The following RTTN variants were observed in gnomAD, a reference collection of about 807,000 sequenced individuals.
The protein encoded by RTTN is rotatin.
RTTN carries 182 observed loss-of-function variants against 269.2 expected under a neutral mutation model. That is an observed-to-expected ratio of 0.68 (90% CI 0.60 to 0.76). RTTN has a LOEUF of 0.76. Ranked by LOEUF, RTTN falls within the 30% of genes least tolerant of loss-of-function variation. The pLI, the probability that RTTN is intolerant of heterozygous loss-of-function variation, is 0.00. For synonymous variants in RTTN, 1,006 were observed against 963.5 expected (o/e 1.04, Z -0.82); for missense variants, 2,545 against 2,608.6 (o/e 0.98, Z 0.53).
chr18:70,181,184 T>C (rs2061414409), intron 10 of RTTN, among the ~76,000 whole-genome samples: 1 of 152,214 alleles, frequency 6.6e-6, no homozygotes, highest in South Asian at 2.1e-4. Context: ...ATGTTGAAGT[T>C]ACCAGTTCAC....
At chr18:70,093,172 T>C (rs965604218) in intron 28 of RTTN, among the ~76,000 whole-genome samples, 7 of 152,104 alleles carry the variant, frequency 4.6e-5, no homozygotes, top group Non-Finnish European at 1.0e-4. Context: ...ACCACTGCAC[T>C]TGGCCTAAGT....
chr18:70,035,084 A>C (rs1177559555), intron 40 of RTTN, among the ~76,000 whole-genome samples: 1 of 152,258 alleles, frequency 6.6e-6, no homozygotes, highest in African/African-American at 2.4e-5. Flanking sequence ...TGAATGGAAA[A>C]ACATTCCATG....
chr18:70,053,965 G>T (rs1023494062), intron 38 of RTTN, among the ~76,000 whole-genome samples, 166 bp downstream of exon 38: 4 of 152,090 alleles, frequency 2.6e-5, no homozygotes, highest in African/African-American at 4.8e-5. Flanking sequence ...GTCTTAATTG[G>T]TACCATTAAA....
At chr18:70,192,525 A>G (rs1054831773) in intron 8 of RTTN, among the ~76,000 whole-genome samples, 6 of 152,130 alleles carry the variant, frequency 3.9e-5, no homozygotes, top group Admixed American at 6.5e-5. Context: ...TACAAAAAAT[A>G]AAAGGCTTAG....
chr18:70,126,056 A>G (rs1385406693), intron 25 of RTTN, among the ~76,000 whole-genome samples: 1 of 152,072 alleles, frequency 6.6e-6, no homozygotes, highest in Non-Finnish European at 1.5e-5. Flanking sequence ...GTGTGTATAT[A>G]TTAAACATAT....
intron 43 of RTTN, among the ~76,000 whole-genome samples, chr18:70,028,442 A>T (rs1311968712): frequency 6.6e-6 from 1 of 152,324 alleles, no homozygotes; most frequent in East Asian, 1.9e-4. Context: ...AATCTACCTT[A>T]TAAAACACAT....
At chr18:70,073,483 T>C (rs1179812950) in intron 34 of RTTN, among the ~76,000 whole-genome samples, 1 of 152,152 alleles carries the variant, frequency 6.6e-6, no homozygotes, top group Non-Finnish European at 1.5e-5. Flanking sequence ...AATCAACCAT[T>C]TTTAACATGT....
At chr18:70,175,811 T>A (rs1268953883) in intron 11 of RTTN, among the ~76,000 whole-genome samples, 1 of 152,112 alleles carries the variant, frequency 6.6e-6, no homozygotes, top group African/African-American at 2.4e-5. Flanking sequence ...AAAGGTTCCA[T>A]GACATTAAGA....
chr18:70,080,550 G>A (rs943143313), intron 32 of RTTN, among the ~76,000 whole-genome samples: 1 of 152,154 alleles, frequency 6.6e-6, no homozygotes, highest in Non-Finnish European at 1.5e-5. Context: ...CCATGCTGGT[G>A]TAAATAAGTG....
intron 35 of RTTN, among the ~76,000 whole-genome samples, chr18:70,062,275 T>C (rs561496725): frequency 9.2e-5 from 14 of 152,206 alleles, no homozygotes; most frequent in Non-Finnish European, 2.1e-4. Context: ...AAAACATACA[T>C]GGTTATAAAA....
At chr18:70,038,718 C>T (rs2057250544) in intron 40 of RTTN, among the ~76,000 whole-genome samples, 2 of 152,100 alleles carry the variant, frequency 1.3e-5, no homozygotes, top group Admixed American at 1.3e-4. Flanking sequence ...ATGACCCCAC[C>T]AAATGAACTA....
At chr18:70,147,225 A>C (rs2060416161) in intron 17 of RTTN, among the ~76,000 whole-genome samples, 1 of 152,308 alleles carries the variant, frequency 6.6e-6, no homozygotes, top group African/African-American at 2.4e-5. Flanking sequence ...ACAATGTTAC[A>C]GTCAACAGTA....
intron 14 of RTTN, among the ~76,000 whole-genome samples, chr18:70,157,317 C>G (rs1398571435): frequency 1.3e-5 from 2 of 152,176 alleles, no homozygotes; most frequent in African/African-American, 4.8e-5. Context: ...CTGTTCAGTG[C>G]ACCCCCAGGG....
At chr18:70,164,110 T>C (rs114914412) in intron 14 of RTTN, among the ~76,000 whole-genome samples, 3 of 152,236 alleles carry the variant, frequency 2.0e-5, no homozygotes, top group Non-Finnish European at 4.4e-5. Flanking sequence ...AAAGTTTCAA[T>C]TTGGGAGATG....
At chr18:70,098,421 G>C (rs1184933952) in intron 28 of RTTN, among the ~76,000 whole-genome samples, 1 of 152,046 alleles carries the variant, frequency 6.6e-6, no homozygotes, top group African/African-American at 2.4e-5. Context: ...TCCAGGAGTT[G>C]TTTTTTTGAA....
chr18:70,020,545 T>C (rs1195568460), intron 45 of RTTN, 70 bp downstream of exon 45: 4 of 1,343,284 alleles, frequency 3.0e-6, no homozygotes, highest in Non-Finnish European at 4.1e-6. Flanking sequence ...AATTGAGTTG[T>C]AAACTTTTGA....
chr18:70,204,814 A>G (rs1433758358), intron 2 of RTTN, among the ~76,000 whole-genome samples: 1 of 152,226 alleles, frequency 6.6e-6, no homozygotes, highest in Non-Finnish European at 1.5e-5. Context: ...TGACATATCT[A>G]GTTTTTAAGA....
chr18:70,066,554 G>C (rs1300312775), intron 34 of RTTN, among the ~76,000 whole-genome samples: 1 of 152,112 alleles, frequency 6.6e-6, no homozygotes, highest in Non-Finnish European at 1.5e-5. Flanking sequence ...TGCGCTAAGA[G>C]GTGTTCAACT....
At chr18:70,106,505 A>T (rs1420693692) in intron 28 of RTTN, among the ~76,000 whole-genome samples, 1 of 152,210 alleles carries the variant, frequency 6.6e-6, no homozygotes, top group Admixed American at 6.5e-5. Context: ...GTAAATAAAT[A>T]AGTTAGATCT....
Sources: allele counts gnomAD v4.1 joint callset (sites outside exome capture counted in the v4.1 genomes callset), GRCh38; gene constraint gnomAD v4.1.1; transcripts MANE v1.5; gene names NCBI Gene and HGNC (gene_info 2026-07-23, HGNC 2026-07-21).